The following NXPH2 variants were observed in gnomAD, a reference collection of about 807,000 sequenced individuals.
NXPH2 encodes the protein neurexophilin-2.
A neutral mutation model predicts 19.8 loss-of-function variants in NXPH2; 5 were observed. That is an observed-to-expected ratio of 0.25 (90% CI 0.13 to 0.53). NXPH2 has a LOEUF of 0.53. NXPH2 is among the 20% of genes least tolerant of loss of function. The probability of loss-of-function intolerance (pLI) is 0.96; values close to 1 mark genes in which losing one functional copy is unlikely to be tolerated. For missense variants in NXPH2, 289 were observed against 322.8 expected, an observed-to-expected ratio of 0.90 and a Z score of 0.80; for synonymous variants, 154 against 127.4, an observed-to-expected ratio of 1.21 and a Z score of -1.41.
At chr2:138,739,993 C>T (rs893384259) in intron 1 of NXPH2, among the ~76,000 whole-genome samples, 1 of 152,096 alleles carries the variant, frequency 6.6e-6, no homozygotes, top group Non-Finnish European at 1.5e-5. Context: ...GGTAATTTTG[C>T]CCTCATCCCT....
intron 1 of NXPH2, among the ~76,000 whole-genome samples, chr2:138,740,037 A>G (rs1332874473): frequency 6.6e-6 from 1 of 152,116 alleles, no homozygotes; most frequent in Non-Finnish European, 1.5e-5. Context: ...CTTAAGCACA[A>G]TGGTGCCAGT....
At chr2:138,770,533 A>G (rs1278591106) in intron 1 of NXPH2, among the ~76,000 whole-genome samples, 1 of 152,082 alleles carries the variant, frequency 6.6e-6, no homozygotes, top group African/African-American at 2.4e-5. Flanking sequence ...AAAAGAGTCA[A>G]ATATAAGATT....
chr2:138,686,366 G>A (rs1366350792), intron 1 of NXPH2, among the ~76,000 whole-genome samples: 2 of 152,118 alleles, frequency 1.3e-5, no homozygotes, highest in African/African-American at 4.8e-5. Flanking sequence ...ACCACAGGAA[G>A]AGGCACTGTC....
intron 1 of NXPH2, among the ~76,000 whole-genome samples, chr2:138,715,109 T>A (rs188179969): frequency 1.3e-5 from 2 of 152,214 alleles, no homozygotes; most frequent in South Asian, 4.1e-4. Flanking sequence ...CTAAAAAGAA[T>A]TCTATTTCAT....
At chr2:138,712,332 C>T (rs903743869) in intron 1 of NXPH2, among the ~76,000 whole-genome samples, 1 of 152,194 alleles carries the variant, frequency 6.6e-6, no homozygotes, top group African/African-American at 2.4e-5. Flanking sequence ...AACCAAACTG[C>T]TGGCTTGATG....
intron 1 of NXPH2, among the ~76,000 whole-genome samples, chr2:138,744,219 T>A (rs1681691134): frequency 6.6e-6 from 1 of 152,146 alleles, no homozygotes; most frequent in Non-Finnish European, 1.5e-5. Context: ...CTTTCCTTTT[T>A]AAGAATGTTG....
intron 1 of NXPH2, among the ~76,000 whole-genome samples, chr2:138,676,018 T>A (rs1680479796): frequency 6.6e-6 from 1 of 151,952 alleles, no homozygotes; most frequent in Non-Finnish European, 1.5e-5. Context: ...TTTTTAAAAT[T>A]TGGCTTTCCT....
At chr2:138,687,851 A>G (rs938685727) in intron 1 of NXPH2, among the ~76,000 whole-genome samples, 3 of 151,924 alleles carry the variant, frequency 2.0e-5, no homozygotes, top group African/African-American at 7.3e-5. Context: ...ATGGTTGTAG[A>G]TGTGTGGTAT....
intron 1 of NXPH2, among the ~76,000 whole-genome samples, chr2:138,747,830 T>G (rs1681765386): frequency 6.6e-6 from 1 of 152,152 alleles, no homozygotes; most frequent in Non-Finnish European, 1.5e-5. Context: ...CAACCATCTC[T>G]CCAGAATTTG....
At chr2:138,755,395 C>G (rs903705223) in intron 1 of NXPH2, among the ~76,000 whole-genome samples, 1 of 152,044 alleles carries the variant, frequency 6.6e-6, no homozygotes, top group Non-Finnish European at 1.5e-5. Context: ...TATGAATGAC[C>G]AACTGTTCCA....
At position 138,696,678 on chromosome 2, in the gene NXPH2, G is replaced by T. The variant is rs72986890; in HGVS notation, c.52-25013C>A. ...AAATAAAATGTAAAAAGCAACTTTG[G>T]AAGGCAATCTGGCAGTTTTGTATAA... On this transcript the variant is annotated intron_variant, in intron 1 of 1. Transcript: ENST00000272641. Among the ~76,000 whole-genome samples the T allele has an allele frequency of 3.5e-3, 533 of 152,224 alleles. 3 individuals are homozygous for T. Among genetic ancestry groups the T allele is most frequent in the African/African-American group, 8.7e-3 (360 of 41,548 alleles).
At chr2:138,736,598 A>T (rs1454668603) in intron 1 of NXPH2, among the ~76,000 whole-genome samples, 1 of 152,210 alleles carries the variant, frequency 6.6e-6, no homozygotes, top group Non-Finnish European at 1.5e-5. Context: ...GACCTCTGAC[A>T]TTCCCTGGAG....
intron 1 of NXPH2, among the ~76,000 whole-genome samples, chr2:138,771,842 A>T (rs1394985942): frequency 2.6e-5 from 4 of 152,220 alleles, no homozygotes; most frequent in African/African-American, 9.6e-5. Context: ...CTCTGAGTGC[A>T]TTCTGGCAAA....
At chr2:138,702,449 C>T (rs1680938856) in intron 1 of NXPH2, among the ~76,000 whole-genome samples, 1 of 152,148 alleles carries the variant, frequency 6.6e-6, no homozygotes, top group Admixed American at 6.5e-5. Flanking sequence ...GTATTCCATA[C>T]TTAGGTCCTG....
At chr2:138,692,558 T>A (rs1199011887) in intron 1 of NXPH2, among the ~76,000 whole-genome samples, 2 of 152,150 alleles carry the variant, frequency 1.3e-5, no homozygotes, top group East Asian at 3.8e-4. Context: ...CCGCTGAAGA[T>A]GAAAATGATG....
chr2:138,755,247 A>T (rs1681889605), intron 1 of NXPH2, among the ~76,000 whole-genome samples: 1 of 151,834 alleles, frequency 6.6e-6, no homozygotes. Flanking sequence ...CCTCTATATG[A>T]CCCAAGGTCA....
At chr2:138,719,257 G>T (rs1681240887) in intron 1 of NXPH2, among the ~76,000 whole-genome samples, 1 of 151,980 alleles carries the variant, frequency 6.6e-6, no homozygotes, top group Non-Finnish European at 1.5e-5. Context: ...GTAAAAAAAA[G>T]AATTTGCAAA....
At chr2:138,696,757 C>G (rs939675165) in intron 1 of NXPH2, among the ~76,000 whole-genome samples, 1 of 152,034 alleles carries the variant, frequency 6.6e-6, no homozygotes, top group Non-Finnish European at 1.5e-5. Flanking sequence ...AGGTATTTAT[C>G]CAAGAGAAAT....
chr2:138,765,110 C>T (rs1345537740), intron 1 of NXPH2, among the ~76,000 whole-genome samples: 1 of 152,144 alleles, frequency 6.6e-6, no homozygotes, highest in African/African-American at 2.4e-5. Context: ...ATGAAAAATG[C>T]AGCCTTTCAT....
Sources: gnomAD v4.1 joint callset for allele counts (sites outside exome capture counted in the v4.1 genomes callset) on GRCh38, gnomAD v4.1.1 for gene constraint, MANE v1.5 for transcripts, NCBI Gene and HGNC (gene_info 2026-07-23, HGNC 2026-07-21) for gene names.